Variants in LYPLA1 observed in about 807,000 individuals in gnomAD.
LYPLA1 encodes lysophospholipase 1.
In LYPLA1, 17 loss-of-function variants were observed where a neutral mutation model predicts 34.0. The observed-to-expected ratio is 0.50, with a 90% confidence interval of 0.34 to 0.75. The LOEUF (loss-of-function observed/expected upper bound fraction) is 0.75. Ranked by LOEUF, LYPLA1 falls within the 30% of genes least tolerant of loss-of-function variation. LYPLA1 has a pLI of 0.01. For missense variants in LYPLA1, 203 were observed against 288.8 expected (o/e 0.70, Z 2.15); for synonymous variants, 98 against 100.8 (o/e 0.97, Z 0.17).
At chr8:54,090,216 T>C (rs7836760) in intron 2 of LYPLA1, among the ~76,000 whole-genome samples, 20,134 of 152,196 alleles carry the variant, frequency 0.13, 3,543 homozygotes, top group African/African-American at 0.41. Context: ...CTTGCCACGG[T>C]TCTTCTAGGC....
chr8:54,099,689 T>C (rs1428796914), intron 2 of LYPLA1, among the ~76,000 whole-genome samples: 1 of 151,522 alleles, frequency 6.6e-6, no homozygotes, highest in Non-Finnish European at 1.5e-5. Context: ...TCTAGCCTAA[T>C]GGCATTTTTT....
At chr8:54,076,740 C>G (rs1367084794) in intron 2 of LYPLA1, among the ~76,000 whole-genome samples, 1 of 152,216 alleles carries the variant, frequency 6.6e-6, no homozygotes, top group African/African-American at 2.4e-5. Flanking sequence ...CATGCTCCTG[C>G]TGCAGTTAAC....
Position 54,072,590 on chromosome 8 carries a change from C to T in LYPLA1, c.102-6777G>A, listed in dbSNP as rs1442779153. Among the ~76,000 whole-genome samples the T allele has an allele frequency of 2.0e-5, 3 of 151,746 alleles. No individual in the cohort carries two copies. In the East Asian group the frequency reaches 5.8e-4, roughly 29 times the overall value. ...GTGTAGCCATTCTTTTATTCCTTTACTTTCTTAATAAACTTGCTTCCACTT... is the reference window on the plus strand; with the variant it reads ...GTGTAGCCATTCTTTTATTCCTTTATTTTCTTAATAAACTTGCTTCCACTT... On this transcript the variant is annotated intron_variant, in intron 2 of 8. Coordinates refer to ENST00000316963, the MANE Select transcript of LYPLA1 (RefSeq NM_006330.4).
intron 2 of LYPLA1, among the ~76,000 whole-genome samples, chr8:54,091,244 T>C (rs1356864117): frequency 1.3e-5 from 2 of 152,036 alleles, no homozygotes; most frequent in African/African-American, 4.8e-5. Context: ...TCCCAGCACT[T>C]TGGGAGGCCG....
intron 2 of LYPLA1, among the ~76,000 whole-genome samples, chr8:54,082,503 G>C (rs1808395855): frequency 6.6e-6 from 1 of 151,806 alleles, no homozygotes; most frequent in African/African-American, 2.4e-5. Flanking sequence ...TTTTTTGGTA[G>C]AGACAGGATC....
At chr8:54,043,714 A>G (rs552523078), downstream of LYPLA1, among the ~76,000 whole-genome samples, 1 of 151,634 alleles carries the variant, frequency 6.6e-6, no homozygotes, top group South Asian at 2.1e-4. Flanking sequence ...GGCATGTGCT[A>G]TCACTCCCGG....
chr8:54,055,541 T>C (rs1356340378), intron 5 of LYPLA1, among the ~76,000 whole-genome samples: 1 of 152,104 alleles, frequency 6.6e-6, no homozygotes, highest in Non-Finnish European at 1.5e-5. Context: ...TCCATGACCA[T>C]GGAATATTTT....
At chr8:54,070,839 G>C (rs1414734038) in intron 2 of LYPLA1, among the ~76,000 whole-genome samples, 1 of 152,196 alleles carries the variant, frequency 6.6e-6, no homozygotes, top group African/African-American at 2.4e-5. Flanking sequence ...ACAATGTTAA[G>C]TGAAAGAAGC....
chr8:54,060,407 G>A (rs1381719781), intron 5 of LYPLA1, among the ~76,000 whole-genome samples: 1 of 152,034 alleles, frequency 6.6e-6, no homozygotes, highest in Non-Finnish European at 1.5e-5. Flanking sequence ...TTACAGGTGT[G>A]AGCCACCGTG....
intron 2 of LYPLA1, chr8:54,073,618 T>G (rs1807664058): frequency 2.0e-6 from 1 of 511,546 alleles, no homozygotes; most frequent in Non-Finnish European, 3.5e-6. Context: ...TCATGCAAAT[T>G]TCATGACCAG....
chr8:54,101,929 C>G lies in LYPLA1; in HGVS notation c.-106G>C. The G allele has an allele frequency of 1.9e-6, 1 of 530,556 alleles. No homozygotes were observed. The highest frequency in any genetic ancestry group is 7.5e-5 in the East Asian group (1 of 13,276). 32.9% of individuals were successfully genotyped at this position (530,556 alleles called of 1,614,324 possible). A position where few individuals can be genotyped will look rare whatever the true frequency, so the allele number is the denominator to read the frequency against. On this transcript the variant is annotated 5_prime_UTR_variant, in exon 1 of 9. Coordinates refer to ENST00000316963, the MANE Select transcript of LYPLA1 (RefSeq NM_006330.4). Reference sequence around the variant, plus strand: ...CGGCCGGCCCCACCGGGCGCACGCTCAGGCGCGTGCGCGCCAACGCGGCCC... The same window carrying G: ...CGGCCGGCCCCACCGGGCGCACGCTGAGGCGCGTGCGCGCCAACGCGGCCC...
At chr8:54,093,247 C>T (rs1396358348) in intron 2 of LYPLA1, among the ~76,000 whole-genome samples, 1 of 152,200 alleles carries the variant, frequency 6.6e-6, no homozygotes, top group Non-Finnish European at 1.5e-5. Flanking sequence ...GTGTTCCCCC[C>T]AAATTCACAT....
chr8:54,071,393 CAT>C (rs1396311408), intron 2 of LYPLA1, among the ~76,000 whole-genome samples: 5 of 112,494 alleles, frequency 4.4e-5, no homozygotes, highest in Admixed American at 2.0e-4. Context: ...GGGAAATACA[CAT>C]GAGAGTATTT....
At chr8:54,079,433 A>G (rs1020297485) in intron 2 of LYPLA1, among the ~76,000 whole-genome samples, 1 of 152,300 alleles carries the variant, frequency 6.6e-6, no homozygotes, top group East Asian at 1.9e-4. Context: ...GTGGGCCCAG[A>G]GTAGACATTA....
chr8:54,075,599 T>C (rs1586134640), intron 2 of LYPLA1, among the ~76,000 whole-genome samples: 1 of 152,120 alleles, frequency 6.6e-6, no homozygotes, highest in Non-Finnish European at 1.5e-5. Context: ...AATTTAAAGG[T>C]AGCTATGATA....
chr8:54,076,871 G>T (rs1807945415), intron 2 of LYPLA1, among the ~76,000 whole-genome samples: 1 of 152,064 alleles, frequency 6.6e-6, no homozygotes, highest in African/African-American at 2.4e-5. Context: ...AAACATGTGG[G>T]CAAATCTCTG....
At chr8:54,069,704 T>C (rs1245834586) in intron 2 of LYPLA1, among the ~76,000 whole-genome samples, 2 of 151,110 alleles carry the variant, frequency 1.3e-5, no homozygotes, top group Non-Finnish European at 3.0e-5. Context: ...AGTGAGACTC[T>C]GTCTCGTTTA....
intron 2 of LYPLA1, among the ~76,000 whole-genome samples, chr8:54,072,744 G>A (rs767946900): frequency 6.6e-5 from 10 of 151,772 alleles, no homozygotes; most frequent in African/African-American, 2.2e-4. Context: ...TTTGGGTAGC[G>A]GAGGCGGGCG....
At chr8:54,048,886 TCTC>T (rs959286612) in intron 8 of LYPLA1, among the ~76,000 whole-genome samples, 8 of 152,074 alleles carry the variant, frequency 5.3e-5, no homozygotes, top group Admixed American at 6.6e-5. Context: ...CTATCCTACT[TCTC>T]CTCATTTTCT....
Sources: allele counts gnomAD v4.1 joint callset (sites outside exome capture counted in the v4.1 genomes callset), GRCh38; gene constraint gnomAD v4.1.1; transcripts MANE v1.5; gene names NCBI Gene and HGNC (gene_info 2026-07-23, HGNC 2026-07-21).